Variants in SLC36A1 observed in about 807,000 individuals in gnomAD.
SLC36A1 encodes proton-coupled amino acid transporter 1.
Under a neutral mutation model 47.5 loss-of-function variants are expected in SLC36A1, and 30 were observed. That is an observed-to-expected ratio of 0.63 (90% CI 0.47 to 0.86). The LOEUF (loss-of-function observed/expected upper bound fraction) is 0.86, where lower values mean the gene tolerates loss of function less well. SLC36A1 is among the 40% of genes least tolerant of loss of function. The pLI is 0.00. For missense variants in SLC36A1, 517 were observed against 606.0 expected, an observed-to-expected ratio of 0.85 and a Z score of 1.54; for synonymous variants, 255 against 249.7, an observed-to-expected ratio of 1.02 and a Z score of -0.20.
the SLC36A1 span, among the ~76,000 whole-genome samples, chr5:151,522,888 A>G: frequency 6.6e-6 from 1 of 152,216 alleles, no homozygotes; most frequent in Non-Finnish European, 1.5e-5. Context: ...GTTGCAGTTA[A>G]TGTCAGAACT....
At chr5:151,393,285 C>T in the SLC36A1 span, among the ~76,000 whole-genome samples, 1 of 152,058 alleles carries the variant, frequency 6.6e-6, no homozygotes, top group Non-Finnish European at 1.5e-5. Context: ...TTATTTTGAG[C>T]CTATGTGTGT....
chr5:151,445,112 G>A (rs1208681062), upstream of SLC36A1, among the ~76,000 whole-genome samples: 6 of 151,912 alleles, frequency 3.9e-5, no homozygotes, highest in African/African-American at 1.5e-4. Flanking sequence ...TTATGTTGAG[G>A]AATGTTCTTT....
the SLC36A1 span, among the ~76,000 whole-genome samples, chr5:151,375,735 A>G: frequency 6.6e-6 from 1 of 151,936 alleles, no homozygotes; most frequent in Non-Finnish European, 1.5e-5. Flanking sequence ...ATTCCTAGGT[A>G]TTTTATTTTT....
At chr5:151,440,421 A>T (rs1752556532) in intron 1 of SLC36A1, among the ~76,000 whole-genome samples, 1 of 152,106 alleles carries the variant, frequency 6.6e-6, no homozygotes, top group South Asian at 2.1e-4. Flanking sequence ...GAGAGGCTTG[A>T]CAGTAGGGCC....
the SLC36A1 span, among the ~76,000 whole-genome samples, chr5:151,421,174 CTCCTTCCTTCCTTCCTTCCT>C: frequency 1.0e-4 from 14 of 138,804 alleles, no homozygotes; most frequent in Non-Finnish European, 1.4e-4. Context: ...CGCCCTTTCT[CTCCTTCCTTCCTTCCTTCCT>C]TCCTTCCTTC....
the SLC36A1 span, among the ~76,000 whole-genome samples, chr5:151,506,700 A>C: frequency 0.11 from 16,454 of 152,264 alleles, 1,352 homozygotes; most frequent in East Asian, 0.36. Context: ...GTGCTTTACT[A>C]ATGCACCCCC....
the SLC36A1 span, among the ~76,000 whole-genome samples, chr5:151,387,548 A>G: frequency 6.6e-6 from 1 of 152,194 alleles, no homozygotes; most frequent in Non-Finnish European, 1.5e-5. Flanking sequence ...TCTCCATCTC[A>G]ACTCCTGCAC....
At chr5:151,534,449 C>T in the SLC36A1 span, 1 of 1,613,308 alleles carries the variant, frequency 6.2e-7, no homozygotes, top group African/African-American at 1.3e-5. Context: ...CCACAGGGGT[C>T]TTCACTGTGG....
At chr5:151,405,028 G>A in the SLC36A1 span, among the ~76,000 whole-genome samples, 10 of 152,146 alleles carry the variant, frequency 6.6e-5, no homozygotes, top group Non-Finnish European at 1.0e-4. Flanking sequence ...CAAGAATGCC[G>A]AGTTGTAGGT....
At chr5:151,400,795 G>C in the SLC36A1 span, among the ~76,000 whole-genome samples, 1 of 152,020 alleles carries the variant, frequency 6.6e-6, no homozygotes, top group Non-Finnish European at 1.5e-5. Flanking sequence ...ATTTTTTCAT[G>C]TTTGGTGGCC....
At chr5:151,380,523 G>A in the SLC36A1 span, 6 of 513,210 alleles carry the variant, frequency 1.2e-5, no homozygotes, top group South Asian at 8.8e-5. Flanking sequence ...TTCGTGTGTT[G>A]GAAAGACAGT....
At chr5:151,465,238 C>T (rs1478697484) in intron 5 of SLC36A1, 69 bp downstream of exon 5, 21 of 1,190,980 alleles carry the variant, frequency 1.8e-5, no homozygotes, top group South Asian at 7.3e-5. Flanking sequence ...GGAGGTGCAA[C>T]GTGGGAGACA....
chr5:151,375,636 C>T, the SLC36A1 span, among the ~76,000 whole-genome samples: 1 of 151,964 alleles, frequency 6.6e-6, no homozygotes, highest in East Asian at 1.9e-4. Context: ...TGCATTGAAT[C>T]TCTAGATCAC....
At chr5:151,468,774 G>T (rs777032618) in intron 7 of SLC36A1, among the ~76,000 whole-genome samples, 4 of 152,026 alleles carry the variant, frequency 2.6e-5, no homozygotes, top group Non-Finnish European at 5.9e-5. Flanking sequence ...ATTGTATACA[G>T]TTGGAAAATA....
the SLC36A1 span, among the ~76,000 whole-genome samples, chr5:151,370,324 T>G: frequency 6.6e-6 from 1 of 152,234 alleles, no homozygotes; most frequent in Non-Finnish European, 1.5e-5. Flanking sequence ...TAGGTACTCA[T>G]GCAATGCTGC....
Position 151,458,780 on chromosome 5 carries a change from C to G in SLC36A1, c.-5-8C>G, listed in dbSNP as rs61733958. 10 of 1,611,670 alleles carry G rather than the reference C, an allele frequency of 6.2e-6. No homozygotes were observed. Among genetic ancestry groups the G allele is most frequent in the Admixed American group, 1.7e-5 (1 of 59,878 alleles). ...CAGGAGGTCTTAATGCTGGCCCTGT[C>G]CCCCCAGCTGCCATGTCCACGCAGA... On this transcript the variant is annotated splice_region_variant and splice_polypyrimidine_tract_variant and intron_variant, in intron 1 of 10. Coordinates refer to ENST00000243389, the MANE Select transcript of SLC36A1 (RefSeq NM_078483.4).
the SLC36A1 span, among the ~76,000 whole-genome samples, chr5:151,362,796 A>T: frequency 6.6e-6 from 1 of 152,102 alleles, no homozygotes; most frequent in Non-Finnish European, 1.5e-5. Context: ...AAATATCTCA[A>T]TCTCTTTGTT....
At chr5:151,427,662 C>T in the SLC36A1 span, among the ~76,000 whole-genome samples, 1 of 152,172 alleles carries the variant, frequency 6.6e-6, no homozygotes, top group South Asian at 2.1e-4. Flanking sequence ...TCACACCCTG[C>T]CCCTCTCGGA....
At chr5:151,524,896 G>A in the SLC36A1 span, among the ~76,000 whole-genome samples, 3 of 152,168 alleles carry the variant, frequency 2.0e-5, no homozygotes, top group African/African-American at 7.2e-5. Context: ...CCCTCTGAAT[G>A]TGTGTCCCCC....
Sources: allele counts gnomAD v4.1 joint callset (sites outside exome capture counted in the v4.1 genomes callset), GRCh38; gene constraint gnomAD v4.1.1; transcripts MANE v1.5; gene names NCBI Gene and HGNC (gene_info 2026-07-23, HGNC 2026-07-21).